The following LIN7C variants were observed in gnomAD, a reference collection of about 807,000 sequenced individuals.
LIN7C encodes the protein lin-7 cell polarity scaffold C, also known as protein lin-7 homolog C.
LIN7C carries 17 observed loss-of-function variants against 24.7 expected under a neutral mutation model. The ratio of observed to expected loss-of-function variants is 0.69; its 90% CI spans 0.47 to 1.03. The LOEUF is 1.03. Ranked by LOEUF, LIN7C falls within the 50% of genes least tolerant of loss-of-function variation. The probability of loss-of-function intolerance (pLI) is 0.00; values close to 1 mark genes in which losing one functional copy is unlikely to be tolerated. For missense variants in LIN7C, 204 were observed against 239.0 expected, an observed-to-expected ratio of 0.85 and a Z score of 0.97; for synonymous variants, 90 against 83.4, an observed-to-expected ratio of 1.08 and a Z score of -0.43.
intron 1 of LIN7C, among the ~76,000 whole-genome samples, chr11:27,503,124 CAAACA>C (rs2133490614): frequency 6.6e-6 from 1 of 151,700 alleles, no homozygotes; most frequent in Non-Finnish European, 1.5e-5. Flanking sequence ...TACAAAAAAC[CAAACA>C]AAACAAAAAC....
intron 4 of LIN7C, 148 bp from the exon 5 acceptor site, chr11:27,498,952 T>G (rs1438996638): frequency 2.7e-6 from 2 of 729,584 alleles, no homozygotes; most frequent in African/African-American, 3.6e-5. Context: ...TAATCCTGCC[T>G]TACCATTTTA....
At chr11:27,502,037 G>T in intron 1 of LIN7C, 117 bp from the exon 2 acceptor site, 1 of 643,720 alleles carries the variant, frequency 1.6e-6, no homozygotes. Context: ...CAATCGAGGG[G>T]AAAAAAAGCA....
chr11:27,499,410 A>T lies in LIN7C; in HGVS notation c.387T>A (p.Asp129Glu). 6.2e-7 allele frequency: 1 copy of T among 1,614,094 alleles called. No homozygotes were observed. Among genetic ancestry groups the T allele is most frequent in the Non-Finnish European group, 8.5e-7 (1 of 1,180,010 alleles). ...CTCCACGTTTGAGGCCCCCATGTCT[A>T]TCAGCAATTCCACCTGGAATTATTC... ...ISRIIPGGIA[D>E]RHGGLKRGDQ... Residue 129 changes from aspartate (D) to glutamate (E), a missense_variant, in exon 4 of 5, where the codon GAT (aspartate) becomes GAA (glutamate). Physicochemically the swap from Asp to Glu is conservative, Grantham distance 45 (BLOSUM62 2). Coordinates refer to ENST00000278193, the MANE Select transcript of LIN7C (RefSeq NM_018362.4).
chr11:27,501,912 T>C lies in LIN7C; in HGVS notation c.46A>G (p.Arg16Gly). Residue 16 changes from arginine (R) to glycine (G), a missense_variant, in exon 2 of 5, where the codon AGA (arginine) becomes GGA (glycine). Coordinates refer to ENST00000278193, the MANE Select transcript of LIN7C (RefSeq NM_018362.4). The part of the protein sequence containing the change: ...EPVRLERDIC[R>G]AIELLEKLQR... ...AGTTTTTCCAATAATTCAATTGCTC[T>C]ACAAATATCTAGAGTTAAACACACA... 1.3e-6 allele frequency: 2 copies of C among 1,580,252 alleles called. No homozygotes were observed. Among genetic ancestry groups the C allele is most frequent in the African/African-American group, 1.3e-5 (1 of 74,332 alleles).
chr11:27,496,114 T>C lies in LIN7C; in HGVS notation c.*2535A>G, dbSNP rs912706377. ...GTAATCAGATCATTTTATAATGGGT[T>C]ATTGACCCTAGGTGTCCTTTAGAAC... On this transcript the variant is annotated 3_prime_UTR_variant, in exon 5 of 5. Coordinates refer to ENST00000278193, the MANE Select transcript of LIN7C (RefSeq NM_018362.4). The C allele has an allele frequency of 6.6e-6, 1 of 151,572 alleles. No homozygotes were observed. The highest frequency in any genetic ancestry group is 2.4e-5 in the African/African-American group (1 of 41,198). 9.4% of individuals were successfully genotyped at this position (151,572 alleles called of 1,614,324 possible).
At chr11:27,499,684 G>C in intron 3 of LIN7C, 116 bp from the exon 4 acceptor site, 1 of 876,886 alleles carries the variant, frequency 1.1e-6, no homozygotes, top group Admixed American at 2.4e-5. Context: ...GTGCAGTGGC[G>C]TGATCTTGGC....
chr11:27,506,329 C>T (rs1865296209), intron 1 of LIN7C, among the ~76,000 whole-genome samples: 1 of 152,202 alleles, frequency 6.6e-6, no homozygotes, highest in East Asian at 1.9e-4. Flanking sequence ...TGTGTCCGTT[C>T]TCGTGCTGTA....
intron 1 of LIN7C, among the ~76,000 whole-genome samples, chr11:27,505,114 C>T (rs998190643): frequency 6.6e-6 from 1 of 152,194 alleles, no homozygotes; most frequent in Non-Finnish European, 1.5e-5. Context: ...GGGCGGACTT[C>T]CTAAGCTCAA....
chr11:27,498,540 G>T lies in LIN7C; in HGVS notation c.*109C>A. On this transcript the variant is annotated 3_prime_UTR_variant, in exon 5 of 5. Coordinates refer to ENST00000278193, the MANE Select transcript of LIN7C (RefSeq NM_018362.4). ...TATAAAATGACAAGGAGAATTTCAT[G>T]ATAAATTTGTTTGTTTTCTTACAAT... 2.0e-6 allele frequency: 2 copies of T among 1,005,468 alleles called. No homozygotes were observed. Among genetic ancestry groups the T allele is most frequent in the Non-Finnish European group, 3.0e-6 (2 of 675,778 alleles). The allele number at this position is 1,005,468 out of a possible 1,614,324, so 62.3% of individuals were successfully genotyped here.
In LIN7C at chr11:27,497,352, A is replaced by T. The variant is rs1268470914; in HGVS notation, c.*1297T>A. ...TTGTCACTTAAATTTTTCTTAAAGT[A>T]CAAATGTTCCTGTAAGTTGTAACAG... On this transcript the variant is annotated 3_prime_UTR_variant, in exon 5 of 5. Coordinates refer to ENST00000278193, the MANE Select transcript of LIN7C (RefSeq NM_018362.4). 6.6e-6 allele frequency: 1 copy of T among 152,610 alleles called. No homozygotes were observed. Among genetic ancestry groups the T allele is most frequent in the African/African-American group, 2.4e-5 (1 of 41,464 alleles). 9.5% of individuals were successfully genotyped at this position (152,610 alleles called of 1,614,324 possible). A position where few individuals can be genotyped will look rare whatever the true frequency, so the allele number is the denominator to read the frequency against.
chr11:27,499,495 T>C lies in LIN7C; in HGVS notation c.302A>G (p.Glu101Gly). The change falls in exon 4 of 5, where the codon GAG becomes GGG. Residue 101 changes from glutamate (E) to glycine (G), a missense_variant. Physicochemically the swap from Glu to Gly is moderately conservative, Grantham distance 98. Transcript: ENST00000278193. ...PRVVELPKTE[E>G]GLGFNIMGGK... is the part of the protein sequence containing the mutation. ...TCCCATAATATTGAATCCAAGGCCCTCTTCTGTTTTTGGTAGCTCAACAAC... is the reference window on the plus strand; with the variant it reads ...TCCCATAATATTGAATCCAAGGCCCCCTTCTGTTTTTGGTAGCTCAACAAC... 1 of 1,614,222 alleles carries C rather than the reference T, an allele frequency of 6.2e-7. No individual in the cohort carries two copies. The highest frequency in any genetic ancestry group is 8.5e-7 in the Non-Finnish European group (1 of 1,180,024).
rs1865182633 is a variant in LIN7C at position 27,497,357 on chromosome 11, T to G, written c.*1292A>C. ...ACTTAAATTTTTCTTAAAGTACAAA[T>G]GTTCCTGTAAGTTGTAACAGAAAAT... On this transcript the variant is annotated 3_prime_UTR_variant, in exon 5 of 5. Transcript: ENST00000278193. 6.6e-6 allele frequency: 1 copy of G among 152,598 alleles called. No homozygotes were observed. The highest frequency in any genetic ancestry group is 1.5e-5 in the Non-Finnish European group (1 of 67,976). The allele number at this position is 152,598 out of a possible 1,614,324, so 9.5% of individuals were successfully genotyped here.
chr11:27,499,918 C>A (rs1042493836), intron 3 of LIN7C, among the ~76,000 whole-genome samples: 1 of 152,170 alleles, frequency 6.6e-6, no homozygotes, highest in Non-Finnish European at 1.5e-5. Context: ...TGAGCCACTG[C>A]GCCTGGCCTC....
At chr11:27,505,902 G>A (rs1175653127) in intron 1 of LIN7C, among the ~76,000 whole-genome samples, 2 of 152,190 alleles carry the variant, frequency 1.3e-5, no homozygotes, top group Middle Eastern at 3.2e-3. Flanking sequence ...AGAGTGGAAT[G>A]CTGGAAATCT....
chr11:27,499,337 T>C (rs760391228), intron 4 of LIN7C, 22 bp downstream of exon 4: 5 of 1,603,392 alleles, frequency 3.1e-6, no homozygotes, highest in Admixed American at 3.3e-5. Flanking sequence ...TCACTACAAA[T>C]AGAAATAAAA....
intron 4 of LIN7C, 34 bp from the exon 5 acceptor site, chr11:27,498,838 A>G: frequency 6.3e-7 from 1 of 1,580,804 alleles, no homozygotes; most frequent in East Asian, 2.2e-5. Flanking sequence ...CCATACACTA[A>G]TATCTAAGTT....
chr11:27,498,898 A>G, intron 4 of LIN7C, 94 bp from the exon 5 acceptor site: 1 of 1,075,002 alleles, frequency 9.3e-7, no homozygotes, highest in Non-Finnish European at 1.4e-6. Flanking sequence ...ATAATGAAGA[A>G]AAGTTTTAAT....
intron 1 of LIN7C, among the ~76,000 whole-genome samples, chr11:27,503,076 C>T (rs1221861259): frequency 2.0e-5 from 3 of 152,168 alleles, no homozygotes; most frequent in African/African-American, 7.2e-5. Flanking sequence ...GATTGTGCCA[C>T]TGCACTCCAG....
intron 1 of LIN7C, among the ~76,000 whole-genome samples, 187 bp downstream of exon 1, chr11:27,506,529 G>A (rs79286087): frequency 6.6e-6 from 1 of 152,312 alleles, no homozygotes; most frequent in African/African-American, 2.4e-5. Flanking sequence ...AGGGCTTACG[G>A]TTAACAGACA....
Sources: gnomAD v4.1 joint callset for allele counts (sites outside exome capture counted in the v4.1 genomes callset) on GRCh38, gnomAD v4.1.1 for gene constraint, MANE v1.5 for transcripts, NCBI Gene and HGNC (gene_info 2026-07-23, HGNC 2026-07-21) for gene names.